SPATA13: variants seen among roughly 807,000 people sequenced by gnomAD.
SPATA13 encodes spermatogenesis associated 13, also known as spermatogenesis-associated protein 13.
A neutral mutation model predicts 104.0 loss-of-function variants in SPATA13; 50 were observed. The observed-to-expected ratio is 0.48, with a 90% CI of 0.38 to 0.61. The LOEUF is 0.61. Among genes scored for constraint, SPATA13 ranks in the 20% least tolerant of loss-of-function variants. The pLI, the probability that SPATA13 is intolerant of heterozygous loss-of-function variation, is 0.00. For synonymous variants in SPATA13, 606 were observed against 667.5 expected (o/e 0.91, Z 1.42); for missense variants, 1,524 against 1,690.6 (o/e 0.90, Z 1.73).
At chr13:24,002,101 G>A (rs563383511) in intron 2 of SPATA13, among the ~76,000 whole-genome samples, 6 of 152,104 alleles carry the variant, frequency 3.9e-5, no homozygotes, top group Non-Finnish European at 5.9e-5. Context: ...GCAGAGGTGG[G>A]GTCAGGTACA....
chr13:24,243,932 G>C (rs1321359360), intron 2 of SPATA13, among the ~76,000 whole-genome samples: 2 of 152,112 alleles, frequency 1.3e-5, no homozygotes, highest in Non-Finnish European at 2.9e-5. Context: ...AGTTTCCCAG[G>C]GTTGCTGTAA....
chr13:24,253,527 A>C (rs1036186656), intron 4 of SPATA13, among the ~76,000 whole-genome samples: 1 of 152,202 alleles, frequency 6.6e-6, no homozygotes, highest in Non-Finnish European at 1.5e-5. Flanking sequence ...GAAAGGAAGG[A>C]AATAGAGAAT....
At chr13:24,097,886 C>G (rs1880133315) in intron 3 of SPATA13, among the ~76,000 whole-genome samples, 2 of 152,188 alleles carry the variant, frequency 1.3e-5, no homozygotes, top group Non-Finnish European at 2.9e-5. Context: ...TCAAATTAAA[C>G]ATGAAAGGGA....
intron 2 of SPATA13, among the ~76,000 whole-genome samples, chr13:23,987,001 C>CTGTGTGTG (rs113990315): frequency 0.14 from 20,351 of 141,308 alleles, 1,606 homozygotes; most frequent in East Asian, 0.26. Context: ...ATGGATATAT[C>CTGTGTGTG]TGTGTGTGTG....
chr13:23,994,162 A>G (rs1361340722), intron 2 of SPATA13, among the ~76,000 whole-genome samples: 1 of 152,178 alleles, frequency 6.6e-6, no homozygotes, highest in African/African-American at 2.4e-5. Flanking sequence ...CAACTCAGAA[A>G]AATGTTCTAA....
chr13:24,167,320 G>A (rs1593374946), intron 1 of SPATA13, among the ~76,000 whole-genome samples: 1 of 152,238 alleles, frequency 6.6e-6, no homozygotes, highest in African/African-American at 2.4e-5. Context: ...TTGAACATGT[G>A]CCAGTTTGGA....
intron 4 of SPATA13, chr13:24,252,736 C>A: frequency 6.6e-6 from 1 of 152,316 alleles, no homozygotes. Flanking sequence ...AAACCTAACT[C>A]TGGCTGTCTT....
chr13:24,208,858 C>G (rs9511147), intron 1 of SPATA13, among the ~76,000 whole-genome samples: 36,999 of 152,214 alleles, frequency 0.24, 5,635 homozygotes, highest in Non-Finnish European at 0.34. Context: ...AAGTGAGAGT[C>G]TCAAGAGGTG....
In SPATA13 at chr13:24,189,230, G is replaced by C. The variant is rs559783601; in HGVS notation, c.-112+28298G>C. Reference sequence around the variant, plus strand: ...CTCATGCCTGTAATCCCAGCACTTTGGGAGGCCGAGGCCGGTGGATCACGA... The same window carrying C: ...CTCATGCCTGTAATCCCAGCACTTTCGGAGGCCGAGGCCGGTGGATCACGA... On this transcript the variant is annotated intron_variant, in intron 1 of 12. Coordinates refer to ENST00000382108, the MANE Select transcript of SPATA13 (RefSeq NM_001166271.3). 2.0e-5 allele frequency among the ~76,000 whole-genome samples: 3 copies of C among 152,036 alleles called. No homozygotes were observed. In the South Asian group the frequency reaches 6.2e-4, roughly 32 times the overall value.
intron 3 of SPATA13, among the ~76,000 whole-genome samples, chr13:24,118,910 TC>T (rs1286298197): frequency 1.1e-5 from 1 of 87,870 alleles, no homozygotes; most frequent in African/African-American, 3.8e-5. Context: ...TCTTTTCTTT[TC>T]TTTTTTTTTT....
Position 24,289,089 on chromosome 13 carries a change from T to C in SPATA13, c.2758T>C (p.Phe920Leu). Reference protein sequence around the residue: ...IFGNIEDIYKFQRKFLKDLEK... With the variant: ...IFGNIEDIYKLQRKFLKDLEK... ...TGGAAACATTGAAGATATTTACAAATTCCAAAGAAAGTTTCTGAAAGACCT... is the reference window on the plus strand; with the variant it reads ...TGGAAACATTGAAGATATTTACAAACTCCAAAGAAAGTTTCTGAAAGACCT... The change falls in exon 8 of 13, where the codon TTC becomes CTC. Residue 920 changes from phenylalanine (F) to leucine (L), a missense_variant. Physicochemically the swap from Phe to Leu is conservative, Grantham distance 22. Transcript: ENST00000382108. The C allele has an allele frequency of 6.2e-7, 1 of 1,613,962 alleles. No homozygotes were observed. The highest frequency in any genetic ancestry group is 8.5e-7 in the Non-Finnish European group (1 of 1,179,956).
chr13:24,100,564 A>G (rs1362651793), intron 3 of SPATA13, among the ~76,000 whole-genome samples: 1 of 152,092 alleles, frequency 6.6e-6, no homozygotes, highest in African/African-American at 2.4e-5. Flanking sequence ...CATGAAGATG[A>G]TTGATTTGAT....
rs567307079 is a variant in SPATA13, at chr13:24,174,386, CT to C, written c.-112+13463del. ...TTCTGCTTGCTTTAGGCTTAGTTTG[CT>C]TTTTTTTTCTAGATTTTTGAAGTGG... On this transcript the variant is annotated intron_variant, in intron 1 of 12. Transcript: ENST00000382108. Among the ~76,000 whole-genome samples the C allele has an allele frequency of 1.5e-4, 22 of 149,702 alleles. No homozygotes were observed. The South Asian group carries it at 2.1e-3, about 15-fold the overall frequency.
At chr13:24,017,799 T>G in intron 3 of SPATA13, 1 of 644,118 alleles carries the variant, frequency 1.6e-6, no homozygotes, top group Non-Finnish European at 1.9e-6. Flanking sequence ...GTATGTTAAC[T>G]CCGTAATCCA....
In SPATA13 at chr13:24,303,012, C is replaced by T. The variant is rs889665428; in HGVS notation, c.*239C>T. On this transcript the variant is annotated 3_prime_UTR_variant, in exon 13 of 13. Transcript: ENST00000382108. Reference sequence around the variant, plus strand: ...ATCCTACACAGAAACACCCGTGACCCACTATGAGATGGCCCAGATGTGGGA... The same window carrying T: ...ATCCTACACAGAAACACCCGTGACCTACTATGAGATGGCCCAGATGTGGGA... 28 of 569,848 alleles carry T rather than the reference C, an allele frequency of 4.9e-5. No individual in the cohort carries two copies. The highest frequency in any genetic ancestry group is 1.5e-4 in the African/African-American group (8 of 53,458). 35.3% of individuals were successfully genotyped at this position (569,848 alleles called of 1,614,324 possible).
At chr13:24,263,453 T>A (rs1358805007) in intron 4 of SPATA13, among the ~76,000 whole-genome samples, 1 of 152,188 alleles carries the variant, frequency 6.6e-6, no homozygotes, top group Admixed American at 6.5e-5. Context: ...TATACAGTCA[T>A]CCCTGGTTGT....
At chr13:24,170,686 C>T (rs550626292) in intron 1 of SPATA13, among the ~76,000 whole-genome samples, 1 of 152,018 alleles carries the variant, frequency 6.6e-6, no homozygotes, top group Non-Finnish European at 1.5e-5. Context: ...ATCAGTCTGG[C>T]GTAAAAAGAT....
chr13:24,207,387 G>A (rs1240957999), intron 1 of SPATA13, among the ~76,000 whole-genome samples: 1 of 152,074 alleles, frequency 6.6e-6, no homozygotes, highest in Middle Eastern at 3.2e-3. Context: ...AATAAAAATC[G>A]GAAAGAAAAT....
At chr13:24,136,507 G>A (rs918093629) in intron 3 of SPATA13, among the ~76,000 whole-genome samples, 3 of 151,776 alleles carry the variant, frequency 2.0e-5, no homozygotes, top group East Asian at 1.9e-4. Context: ...AAGAAAGTGA[G>A]AGAGAGGGAG....
Sources: allele counts gnomAD v4.1 joint callset (sites outside exome capture counted in the v4.1 genomes callset), GRCh38; gene constraint gnomAD v4.1.1; transcripts MANE v1.5; gene names NCBI Gene and HGNC (gene_info 2026-07-23, HGNC 2026-07-21).